The following FHIT variants were observed in gnomAD, a reference collection of about 807,000 sequenced individuals.
FHIT encodes the protein bis(5'-adenosyl)-triphosphatase.
Under a neutral mutation model 17.9 loss-of-function variants are expected in FHIT, and 19 were observed. The observed-to-expected ratio is 1.06, with a 90% CI of 0.74 to 1.56. The LOEUF (loss-of-function observed/expected upper bound fraction) is 1.56, where lower values mean the gene tolerates loss of function less well. Among genes scored for constraint, FHIT ranks in the 40% most tolerant of loss-of-function variants. The pLI, the probability that FHIT is intolerant of heterozygous loss-of-function variation, is 0.00. For synonymous variants in FHIT, 81 were observed against 69.7 expected, an observed-to-expected ratio of 1.16 and a Z score of -0.81; for missense variants, 248 against 189.2, an observed-to-expected ratio of 1.31 and a Z score of -1.82.
At chr3:61,241,861 A>G (rs1438313602) in intron 1 of FHIT, among the ~76,000 whole-genome samples, 1 of 152,174 alleles carries the variant, frequency 6.6e-6, no homozygotes, top group Non-Finnish European at 1.5e-5. Context: ...AAACACTGGC[A>G]TACAAACAAA....
At chr3:59,893,256 T>G (rs1250227192) in intron 8 of FHIT, among the ~76,000 whole-genome samples, 1 of 152,184 alleles carries the variant, frequency 6.6e-6, no homozygotes, top group African/African-American at 2.4e-5. Flanking sequence ...AGCTTCAAGG[T>G]GTCAACTGGT....
intron 4 of FHIT, among the ~76,000 whole-genome samples, chr3:60,607,126 T>C (rs1056316520): frequency 6.6e-6 from 1 of 152,140 alleles, no homozygotes; most frequent in South Asian, 2.1e-4. Flanking sequence ...TAGTCCCTCT[T>C]CCATATGGCA....
chr3:60,483,697 T>G (rs1349913921), intron 5 of FHIT, among the ~76,000 whole-genome samples: 1 of 152,092 alleles, frequency 6.6e-6, no homozygotes, highest in East Asian at 1.9e-4. Context: ...TAAGAGCTAC[T>G]TATGAAAAAC....
intron 5 of FHIT, among the ~76,000 whole-genome samples, chr3:60,236,204 T>C: frequency 6.6e-6 from 1 of 151,380 alleles, no homozygotes; most frequent in East Asian, 1.9e-4. Flanking sequence ...TTGACCTTGC[T>C]GGGTTCATGC....
At position 59,752,337 on chromosome 3, in the gene FHIT, A is replaced by G. The variant is rs972766865; in HGVS notation, c.349-16T>C. 29 of 1,602,052 alleles carry G rather than the reference A, an allele frequency of 1.8e-5. No individual in the cohort carries two copies. The highest frequency in any genetic ancestry group is 2.3e-5 in the Non-Finnish European group (27 of 1,173,018). On this transcript the variant is annotated splice_polypyrimidine_tract_variant and intron_variant, in intron 8 of 9. Coordinates refer to ENST00000492590, the MANE Select transcript of FHIT (RefSeq NM_002012.4). ...GTTTCTGGAGCTTTGGAGAAAAAAA[A>G]AGGAAGAGGCTCTTTCATGGGCCCT...
chr3:59,837,615 A>G (rs185313172), intron 8 of FHIT, among the ~76,000 whole-genome samples: 40 of 152,286 alleles, frequency 2.6e-4, no homozygotes, highest in African/African-American at 8.9e-4. Flanking sequence ...ACAAGTAAAC[A>G]AAAGTTGAGA....
intron 3 of FHIT, among the ~76,000 whole-genome samples, chr3:61,022,988 G>A (rs1412496117): frequency 6.6e-6 from 1 of 152,132 alleles, no homozygotes; most frequent in Non-Finnish European, 1.5e-5. Flanking sequence ...GGAAGTTCTG[G>A]CCAGGGCGAT....
chr3:61,032,781 A>C (rs1007129504), intron 3 of FHIT, among the ~76,000 whole-genome samples: 3 of 152,228 alleles, frequency 2.0e-5, no homozygotes, highest in Admixed American at 1.3e-4. Context: ...GATATACAGA[A>C]AGAGATTTAT....
chr3:60,510,729 C>A (rs1254248414), intron 5 of FHIT, among the ~76,000 whole-genome samples: 3 of 151,988 alleles, frequency 2.0e-5, no homozygotes, highest in Non-Finnish European at 2.9e-5. Flanking sequence ...CCCACACACA[C>A]AATATAGAAA....
intron 5 of FHIT, among the ~76,000 whole-genome samples, chr3:60,269,801 A>C (rs1035376533): frequency 6.6e-6 from 1 of 152,224 alleles, no homozygotes; most frequent in Non-Finnish European, 1.5e-5. Context: ...GGAATCTGTA[A>C]GTGTTACAGG....
chr3:59,748,922 T>C lies in FHIT; in HGVS notation c.*663A>G, dbSNP rs960481920. 2.0e-5 allele frequency among the ~76,000 whole-genome samples: 3 copies of C among 152,208 alleles called. No homozygotes were observed. The highest frequency in any genetic ancestry group is 4.8e-5 in the African/African-American group (2 of 41,464). On this transcript the variant is annotated 3_prime_UTR_variant, in exon 10 of 10. Transcript: ENST00000492590. Reference sequence around the variant, plus strand: ...TCAATTCCAGGGCTGAGCCCTATCATGTCTGCCTCTGTGCATGTTGAGAAT... The same window carrying C: ...TCAATTCCAGGGCTGAGCCCTATCACGTCTGCCTCTGTGCATGTTGAGAAT...
intron 5 of FHIT, among the ~76,000 whole-genome samples, chr3:60,025,734 G>GAAA (rs71627518): frequency 3.3e-5 from 4 of 119,692 alleles, no homozygotes; most frequent in African/African-American, 5.6e-5. Context: ...AATTCTACCA[G>GAAA]AAAAAAAAAA....
chr3:60,664,704 G>A (rs2040341234), intron 4 of FHIT, among the ~76,000 whole-genome samples: 1 of 147,360 alleles, frequency 6.8e-6, no homozygotes, highest in Non-Finnish European at 1.5e-5. Flanking sequence ...GCTGAGTTTA[G>A]CTAGTTTTTT....
intron 5 of FHIT, among the ~76,000 whole-genome samples, chr3:60,399,876 T>G (rs1196627327): frequency 2.6e-5 from 4 of 152,152 alleles, no homozygotes; most frequent in African/African-American, 9.6e-5. Context: ...CTGTCCATAG[T>G]GCCACCTATT....
intron 5 of FHIT, among the ~76,000 whole-genome samples, chr3:60,211,018 A>C (rs554809994): frequency 1.4e-5 from 2 of 147,056 alleles, no homozygotes; most frequent in Non-Finnish European, 3.0e-5. Context: ...TAGGGGATGG[A>C]GTGAGAAAAA....
intron 5 of FHIT, among the ~76,000 whole-genome samples, chr3:60,313,065 C>G (rs1259918860): frequency 6.6e-6 from 1 of 152,160 alleles, no homozygotes. Flanking sequence ...CCAAGGTCAT[C>G]TTGCTTGAGA....
At chr3:59,815,401 G>A (rs1335266102) in intron 8 of FHIT, among the ~76,000 whole-genome samples, 1 of 152,046 alleles carries the variant, frequency 6.6e-6, no homozygotes, top group East Asian at 1.9e-4. Flanking sequence ...AGGAAAAGAT[G>A]TCATTATATG....
At chr3:60,253,467 A>C (rs1439065765) in intron 5 of FHIT, among the ~76,000 whole-genome samples, 1 of 152,236 alleles carries the variant, frequency 6.6e-6, no homozygotes, top group African/African-American at 2.4e-5. Flanking sequence ...TGTACCAGTA[A>C]GGATATAATA....
At chr3:60,827,145 GGAGA>G (rs782799182) in intron 3 of FHIT, among the ~76,000 whole-genome samples, 5 of 152,264 alleles carry the variant, frequency 3.3e-5, no homozygotes, top group Non-Finnish European at 4.4e-5. Context: ...TTCTCTTCCT[GGAGA>G]GAGAGTCTGT....
Sources: gnomAD v4.1 joint callset for allele counts (sites outside exome capture counted in the v4.1 genomes callset) on GRCh38, gnomAD v4.1.1 for gene constraint, MANE v1.5 for transcripts, NCBI Gene and HGNC (gene_info 2026-07-23, HGNC 2026-07-21) for gene names.